The following MAD1L1 variants were observed in gnomAD, a reference collection of about 807,000 sequenced individuals.
MAD1L1 encodes mitotic arrest deficient 1 like 1, also known as mitotic spindle assembly checkpoint protein MAD1.
In MAD1L1, 95 loss-of-function variants were observed where a neutral mutation model predicts 96.9. The observed-to-expected ratio is 0.98, with a 90% CI of 0.83 to 1.16. MAD1L1 has a LOEUF of 1.16. Ranked by LOEUF, MAD1L1 falls within the 50% of genes most tolerant of loss-of-function variation. The probability of loss-of-function intolerance (pLI) is 0.00; values close to 1 mark genes in which losing one functional copy is unlikely to be tolerated. For missense variants in MAD1L1, 1,007 were observed against 954.4 expected, an observed-to-expected ratio of 1.06 and a Z score of -0.73; for synonymous variants, 473 against 396.6, an observed-to-expected ratio of 1.19 and a Z score of -2.29.
intron 15 of MAD1L1, among the ~76,000 whole-genome samples, chr7:1,966,775 C>T (rs139550769): frequency 4.2e-4 from 64 of 152,328 alleles, no homozygotes; most frequent in African/African-American, 1.4e-3. Flanking sequence ...GCAGGAACCG[C>T]GGTGAGGAGG....
chr7:2,057,343 C>G (rs1185701333), intron 12 of MAD1L1, among the ~76,000 whole-genome samples: 1 of 152,212 alleles, frequency 6.6e-6, no homozygotes, highest in East Asian at 1.9e-4. Flanking sequence ...GTGGCAAAAT[C>G]CATCCCTACT....
chr7:2,147,827 G>A (rs964325966), intron 11 of MAD1L1, among the ~76,000 whole-genome samples: 8 of 152,246 alleles, frequency 5.3e-5, no homozygotes, highest in African/African-American at 1.7e-4. Context: ...ATGCAGATGC[G>A]AATGTTCCCT....
rs570191842 is a variant in MAD1L1, at chr7:1,968,671, C to A, written c.1506-10952G>T. Among the ~76,000 whole-genome samples, 1 of 152,346 alleles carries A rather than the reference C, an allele frequency of 6.6e-6. No individual in the cohort carries two copies. The highest frequency in any genetic ancestry group is 1.9e-4 in the East Asian group (1 of 5,190). On this transcript the variant is annotated intron_variant, in intron 15 of 18. Transcript: ENST00000265854. This position sits in a 1 kb window ranked among gnomAD's most constrained non-coding sequence, Gnocchi z 5.6. The stretch of plus-strand genomic sequence containing the variant: ...TGCTGTTGCGTGGATGTCAGGGGCT[C>A]CCTGATGGGACGTGGTGAGAAAGGA...
In MAD1L1 at chr7:2,146,479, A is replaced by G. The variant is rs1221556720; in HGVS notation, c.1073+2673T>C. Among the ~76,000 whole-genome samples the G allele has an allele frequency of 2.0e-5, 3 of 152,348 alleles. No homozygotes were observed. Among genetic ancestry groups the G allele is most frequent in the African/African-American group, 4.8e-5 (2 of 41,574 alleles). On this transcript the variant is annotated intron_variant, in intron 11 of 18. Coordinates refer to ENST00000265854, the MANE Select transcript of MAD1L1 (RefSeq NM_001013836.2). This position sits in a 1 kb window ranked among gnomAD's most constrained non-coding sequence, Gnocchi z 6.2. ...GATGGCGAGAACAGCGTTCACTACC[A>G]GGGAAAGATGGACACGGCCAACATA...
Position 1,968,746 on chromosome 7 carries a change from T to C in MAD1L1, c.1506-11027A>G, listed in dbSNP as rs1275236064. Among the ~76,000 whole-genome samples the C allele has an allele frequency of 6.6e-6, 1 of 152,234 alleles. No individual in the cohort carries two copies. Among genetic ancestry groups the C allele is most frequent in the African/African-American group, 2.4e-5 (1 of 41,464 alleles). The stretch of plus-strand genomic sequence containing the variant: ...AAAAACCACCATCTCAGGTTAACAA[T>C]GAAACACATCACACAAGCTCGCTTC... On this transcript the variant is annotated intron_variant, in intron 15 of 18. Coordinates refer to ENST00000265854, the MANE Select transcript of MAD1L1 (RefSeq NM_001013836.2). The surrounding 1 kb of genome is among the most constrained non-coding windows in gnomAD (Gnocchi z 5.6).
At chr7:1,911,152 C>A (rs150335106) in intron 17 of MAD1L1, among the ~76,000 whole-genome samples, 1 of 152,306 alleles carries the variant, frequency 6.6e-6, no homozygotes, top group East Asian at 1.9e-4. Context: ...ACCCCTTGAG[C>A]CAGACAACTT....
rs144904187 is a variant in MAD1L1, at chr7:1,825,876, T to C, written c.1999-9648A>G. ...TTGGAGGTCAGCATAGTCCCAGCCCTGGGATGAGCACAGTCCCAGCCCCAG... is the reference window on the plus strand; with the variant it reads ...TTGGAGGTCAGCATAGTCCCAGCCCCGGGATGAGCACAGTCCCAGCCCCAG... On this transcript the variant is annotated intron_variant, in intron 18 of 18. Coordinates refer to ENST00000265854, the MANE Select transcript of MAD1L1 (RefSeq NM_001013836.2). 5.3e-5 allele frequency among the ~76,000 whole-genome samples: 8 copies of C among 151,584 alleles called. No homozygotes were observed. The East Asian group carries it at 1.6e-3, about 30-fold the overall frequency.
chr7:1,903,699 T>C (rs1417956622), intron 17 of MAD1L1, among the ~76,000 whole-genome samples: 2 of 143,384 alleles, frequency 1.4e-5, no homozygotes, highest in African/African-American at 5.6e-5. Context: ...GAACTCATGA[T>C]TGATGAAGCA....
rs557772402 is a variant in MAD1L1, at chr7:2,114,094, G to A, written c.1073+35058C>T. On this transcript the variant is annotated intron_variant, in intron 11 of 18. Transcript: ENST00000265854. This position sits in a 1 kb window ranked among gnomAD's most constrained non-coding sequence, Gnocchi z 4.2. ...CTTACAGCTTCTGATAACTGTACAC[G>A]GGCTCACAAGACGTTACCCTCGGGA... is the stretch of plus-strand genomic sequence containing the variant. 2.8e-4 allele frequency among the ~76,000 whole-genome samples: 42 copies of A among 152,320 alleles called. No individual in the cohort carries two copies. The highest frequency in any genetic ancestry group is 4.9e-4 in the Non-Finnish European group (33 of 68,022).
intron 18 of MAD1L1, among the ~76,000 whole-genome samples, chr7:1,822,685 A>G (rs1368431166): frequency 6.6e-6 from 1 of 151,050 alleles, no homozygotes; most frequent in Non-Finnish European, 1.5e-5. Flanking sequence ...TGGCTTCCCC[A>G]AGTGTTGGGA....
At chr7:2,155,461 G>A (rs1789784352) in intron 10 of MAD1L1, among the ~76,000 whole-genome samples, 1 of 152,176 alleles carries the variant, frequency 6.6e-6, no homozygotes, top group Admixed American at 6.5e-5. Flanking sequence ...GCATTAAAGA[G>A]GAACTCCCAC....
In MAD1L1 at chr7:2,094,394, C is replaced by T. The variant is rs1786369883; in HGVS notation, c.1074-25056G>A. Among the ~76,000 whole-genome samples, 3 of 152,224 alleles carry T rather than the reference C, an allele frequency of 2.0e-5. 1 individual carries two copies. The South Asian group carries it at 6.2e-4, about 31-fold the overall frequency. ...TGTGTGTTGGAACCTGTTCACAACA[C>T]TGCTGAGGAGGCGCTACCCTTCAAG... On this transcript the variant is annotated intron_variant, in intron 11 of 18. Transcript: ENST00000265854.
intron 11 of MAD1L1, among the ~76,000 whole-genome samples, chr7:2,136,777 CA>C (rs1205090824): frequency 6.6e-6 from 1 of 152,224 alleles, no homozygotes; most frequent in East Asian, 1.9e-4. Flanking sequence ...AAGCGTACTC[CA>C]ATCGCCTGAT....
At chr7:1,957,607 C>T (rs1226451935) in intron 16 of MAD1L1, 22 bp downstream of exon 16, 1 of 1,612,248 alleles carries the variant, frequency 6.2e-7, no homozygotes, top group Non-Finnish European at 8.5e-7. Flanking sequence ...AGTGCCTCAC[C>T]CAGAGGCTGC....
At chr7:1,954,317 G>C (rs1251220432) in intron 16 of MAD1L1, among the ~76,000 whole-genome samples, 4 of 152,226 alleles carry the variant, frequency 2.6e-5, no homozygotes, top group Non-Finnish European at 4.4e-5. Context: ...ACTAAGGCCA[G>C]GCTGCAGCCA....
rs550406647 is a variant in MAD1L1, at chr7:1,833,191, C to T, written c.1999-16963G>A. Among the ~76,000 whole-genome samples, 9 of 152,322 alleles carry T rather than the reference C, an allele frequency of 5.9e-5. No individual in the cohort carries two copies. The East Asian group carries it at 1.7e-3, about 29-fold the overall frequency. Reference sequence around the variant, plus strand: ...AGGATAAACATAACTTTTATATGCACTGGGAAACAAAATGCATGGCACTTG... The same window carrying T: ...AGGATAAACATAACTTTTATATGCATTGGGAAACAAAATGCATGGCACTTG... On this transcript the variant is annotated intron_variant, in intron 18 of 18. Coordinates refer to ENST00000265854, the MANE Select transcript of MAD1L1 (RefSeq NM_001013836.2).
rs758630529 is a variant in MAD1L1, at chr7:2,014,621, T to C, written c.1240A>G (p.Ile414Val). ...AGCTCGCTGTCGTAGGACCCCAGGA[T>C]GGCCCGCATACCGTCCCGCTCCTGT... is the stretch of plus-strand genomic sequence containing the variant. Reference protein sequence around the residue: ...LTKERDGMRAILGSYDSELTP... With the variant: ...LTKERDGMRAVLGSYDSELTP... The change falls in exon 13 of 19, where the codon ATC (isoleucine) becomes GTC (valine). Residue 414 changes from isoleucine to valine, a missense_variant. Ile to Val is a conservative substitution (Grantham distance 29). Transcript: ENST00000265854. 29 of 1,612,044 alleles carry C rather than the reference T, an allele frequency of 1.8e-5. No individual in the cohort carries two copies. Among genetic ancestry groups the C allele is most frequent in the Non-Finnish European group, 2.4e-5 (28 of 1,179,502 alleles).
At chr7:1,963,080 C>G (rs1377516476) in intron 15 of MAD1L1, among the ~76,000 whole-genome samples, 1 of 152,258 alleles carries the variant, frequency 6.6e-6, no homozygotes, top group African/African-American at 2.4e-5. Flanking sequence ...TGACCGCCAG[C>G]CACTCCACAC....
At chr7:1,859,200 T>G (rs1784402004) in intron 18 of MAD1L1, among the ~76,000 whole-genome samples, 1 of 152,140 alleles carries the variant, frequency 6.6e-6, no homozygotes, top group African/African-American at 2.4e-5. Flanking sequence ...TGCCTCCCCC[T>G]GGTGTGAAGG....
Sources: allele counts gnomAD v4.1 joint callset (sites outside exome capture counted in the v4.1 genomes callset), GRCh38; gene constraint gnomAD v4.1.1; non-coding constraint Gnocchi (gnomAD v3.1); transcripts MANE v1.5; gene names NCBI Gene and HGNC (gene_info 2026-07-23, HGNC 2026-07-21).